AGBL1: variants seen among roughly 807,000 people sequenced by gnomAD.
AGBL1 encodes AGBL carboxypeptidase 1.
In AGBL1, 130 loss-of-function variants were observed where a neutral mutation model predicts 118.9. The ratio of observed to expected loss-of-function variants is 1.09; its 90% CI spans 0.95 to 1.26. The LOEUF is 1.26. Among genes scored for constraint, AGBL1 ranks in the 50% most tolerant of loss-of-function variants. The pLI is 0.00. For missense variants in AGBL1, 1,584 were observed against 1,298.1 expected (o/e 1.22, Z -3.38); for synonymous variants, 555 against 478.9 (o/e 1.16, Z -2.08).
chr15:86,775,503 T>C (rs1375334702), intron 22 of AGBL1, among the ~76,000 whole-genome samples: 1 of 152,076 alleles, frequency 6.6e-6, no homozygotes, highest in Non-Finnish European at 1.5e-5. Context: ...AGAGATGACA[T>C]AGAAATTCAG....
chr15:86,550,906 A>G (rs1422390835), intron 20 of AGBL1, among the ~76,000 whole-genome samples: 4 of 151,980 alleles, frequency 2.6e-5, no homozygotes, highest in Non-Finnish European at 5.9e-5. Flanking sequence ...AGAGAATTAA[A>G]TTATAAATTA....
intron 3 of AGBL1, among the ~76,000 whole-genome samples, chr15:86,144,324 C>T (rs1432130032): frequency 6.6e-6 from 1 of 152,122 alleles, no homozygotes; most frequent in Non-Finnish European, 1.5e-5. Context: ...TGGGTATATA[C>T]CCAAAGGAAT....
At chr15:86,865,046 T>C (rs964562347) in intron 22 of AGBL1, among the ~76,000 whole-genome samples, 2 of 152,198 alleles carry the variant, frequency 1.3e-5, no homozygotes, top group Non-Finnish European at 2.9e-5. Context: ...TCTTGTTGAC[T>C]TGTTCGCTGT....
At chr15:86,124,784 A>C (rs1246924157) in intron 1 of AGBL1, among the ~76,000 whole-genome samples, 2 of 152,152 alleles carry the variant, frequency 1.3e-5, no homozygotes, top group Non-Finnish European at 2.9e-5. Flanking sequence ...TTCACCATAG[A>C]GTCTGACAAA....
intron 5 of AGBL1, among the ~76,000 whole-genome samples, chr15:86,175,129 G>T (rs1231441744): frequency 6.6e-6 from 1 of 151,918 alleles, no homozygotes; most frequent in East Asian, 1.9e-4. Context: ...AAAGTCATCT[G>T]GTCCTGAGTT....
In AGBL1 at chr15:86,833,203, C is replaced by T. The variant is rs139484149; in HGVS notation, c.3159-73884C>T. Reference sequence around the variant, plus strand: ...GAGATTTGGGTGGGACCCAGCCAAACCATATCACCCATTTAATGGCAAAAA... The same window carrying T: ...GAGATTTGGGTGGGACCCAGCCAAATCATATCACCCATTTAATGGCAAAAA... On this transcript the variant is annotated intron_variant, in intron 22 of 22. Transcript: ENST00000614907. Among the ~76,000 whole-genome samples the T allele has an allele frequency of 5.4e-3, 827 of 152,108 alleles. 2 individuals carry two copies. The highest frequency in any genetic ancestry group is 8.6e-3 in the Non-Finnish European group (585 of 68,010).
intron 17 of AGBL1, among the ~76,000 whole-genome samples, chr15:86,363,816 A>G (rs994533020): frequency 4.6e-5 from 7 of 152,190 alleles, no homozygotes; most frequent in East Asian, 3.9e-4. Flanking sequence ...GTGAAAACCC[A>G]GTTGATAACC....
At chr15:86,401,732 A>G (rs928023435) in intron 18 of AGBL1, among the ~76,000 whole-genome samples, 2 of 151,932 alleles carry the variant, frequency 1.3e-5, no homozygotes, top group African/African-American at 4.8e-5. Context: ...TATGTTTTGT[A>G]TGCTTTGTCA....
rs114508200 is a variant in AGBL1 at position 86,601,419 on chromosome 15, A to C, written c.2994+46882A>C. The stretch of plus-strand genomic sequence containing the variant: ...GCATTTGTTGGAAATATTCTGAATT[A>C]GAATTGAGGTCTTGAAAATAGGTAG... On this transcript the variant is annotated intron_variant, in intron 21 of 22. Transcript: ENST00000614907. 6.5e-3 allele frequency among the ~76,000 whole-genome samples: 990 copies of C among 152,308 alleles called. 10 individuals carry two copies. Among genetic ancestry groups the C allele is most frequent in the African/African-American group, 0.022 (925 of 41,574 alleles).
intron 5 of AGBL1, among the ~76,000 whole-genome samples, chr15:86,211,672 T>G (rs1260591349): frequency 2.0e-5 from 3 of 152,190 alleles, no homozygotes; most frequent in African/African-American, 7.2e-5. Flanking sequence ...TCTCCTGGTG[T>G]GCCATTTGCT....
intron 22 of AGBL1, among the ~76,000 whole-genome samples, chr15:86,827,503 A>G (rs1217015994): frequency 2.2e-5 from 1 of 44,894 alleles, no homozygotes; most frequent in African/African-American, 9.1e-5. Flanking sequence ...ATATATATAT[A>G]TATATATATA....
intron 22 of AGBL1, among the ~76,000 whole-genome samples, chr15:86,840,719 C>T (rs1264729459): frequency 5.3e-5 from 8 of 152,054 alleles, no homozygotes; most frequent in East Asian, 3.9e-4. Context: ...GGATTACAGA[C>T]GTGAGCCACC....
intron 22 of AGBL1, among the ~76,000 whole-genome samples, chr15:86,886,257 T>A (rs2079969708): frequency 6.6e-6 from 1 of 152,244 alleles, no homozygotes; most frequent in African/African-American, 2.4e-5. Flanking sequence ...ATGGCAAGTG[T>A]ACTAAAATCA....
At chr15:86,512,008 C>A (rs1331647038) in intron 18 of AGBL1, among the ~76,000 whole-genome samples, 1 of 151,826 alleles carries the variant, frequency 6.6e-6, no homozygotes, top group Non-Finnish European at 1.5e-5. Context: ...AGGTTTTGAG[C>A]ACAGTTTAGG....
At chr15:86,641,171 A>G (rs988064091) in intron 21 of AGBL1, among the ~76,000 whole-genome samples, 15 of 152,098 alleles carry the variant, frequency 9.9e-5, no homozygotes, top group African/African-American at 3.4e-4. Context: ...GATTTTGTAT[A>G]TGATGTTTTT....
chr15:86,274,456 A>T lies in AGBL1; in HGVS notation c.2075+2750A>T, dbSNP rs150077008. On this transcript the variant is annotated intron_variant, in intron 15 of 22. Transcript: ENST00000614907. ...GGCTTCTAAGAAGATTTTTCTTTAAAAAGTAATTGTCTAGTTTGTGAGGTT... is the reference window on the plus strand; with the variant it reads ...GGCTTCTAAGAAGATTTTTCTTTAATAAGTAATTGTCTAGTTTGTGAGGTT... Among the ~76,000 whole-genome samples the T allele has an allele frequency of 6.4e-3, 978 of 152,302 alleles. 14 individuals are homozygous for T. Among genetic ancestry groups the T allele is most frequent in the African/African-American group, 0.023 (938 of 41,554 alleles).
intron 23 of AGBL1, among the ~76,000 whole-genome samples, chr15:86,987,043 G>C (rs530945935): frequency 1.3e-5 from 2 of 152,280 alleles, no homozygotes; most frequent in African/African-American, 4.8e-5. Context: ...GAGCCAGGAT[G>C]AGCCAGGAGA....
At chr15:86,667,210 GTATC>G (rs879299696) in intron 21 of AGBL1, among the ~76,000 whole-genome samples, 12,324 of 47,680 alleles carry the variant, frequency 0.26, 1,358 homozygotes, top group African/African-American at 0.4. Flanking sequence ...ATCTATGTAT[GTATC>G]TATGTATGTA....
intron 6 of AGBL1, among the ~76,000 whole-genome samples, chr15:86,246,663 A>G (rs979062212): frequency 1.3e-5 from 2 of 152,006 alleles, no homozygotes; most frequent in Non-Finnish European, 2.9e-5. Context: ...GGTCAGAGGC[A>G]ACAGGGTATG....
Sources: gnomAD v4.1 joint callset for allele counts (sites outside exome capture counted in the v4.1 genomes callset) on GRCh38, gnomAD v4.1.1 for gene constraint, MANE v1.5 for transcripts, NCBI Gene and HGNC (gene_info 2026-07-23, HGNC 2026-07-21) for gene names.